SVIL: variants seen among roughly 807,000 people sequenced by gnomAD.
SVIL encodes the protein supervillin.
Under a neutral mutation model 240.4 loss-of-function variants are expected in SVIL, and 101 were observed. That is an observed-to-expected ratio of 0.42 (90% CI 0.36 to 0.50). The LOEUF (loss-of-function observed/expected upper bound fraction) is 0.50. Among genes scored for constraint, SVIL ranks in the 20% least tolerant of loss-of-function variants. The probability of loss-of-function intolerance (pLI) is 0.01; values close to 1 mark genes in which losing one functional copy is unlikely to be tolerated. For missense variants in SVIL, 2,512 were observed against 2,818.7 expected (o/e 0.89, Z 2.46); for synonymous variants, 999 against 1,100.0 (o/e 0.91, Z 1.82).
rs560896117 is a variant in SVIL, at chr10:29,461,234, T to TA, written c.6402+1042dup. ...CTGGCAATTTGGTAACTCCTGAACTTAGACTGCATGCAGCAGCCATAGAGC... is the reference window on the plus strand; with the variant it reads ...CTGGCAATTTGGTAACTCCTGAACTTAAGACTGCATGCAGCAGCCATAGAGC... On this transcript the variant is annotated intron_variant, in intron 36 of 37. Coordinates refer to ENST00000355867, the MANE Select transcript of SVIL (RefSeq NM_021738.3). 2.3e-3 allele frequency among the ~76,000 whole-genome samples: 350 copies of TA among 152,304 alleles called. 1 individual carries two copies. The highest frequency in any genetic ancestry group is 6.8e-3 in the Middle Eastern group (2 of 294).
intron 21 of SVIL, among the ~76,000 whole-genome samples, 176 bp from the exon 22 acceptor site, chr10:29,491,195 C>A (rs891403424): frequency 3.3e-5 from 5 of 152,138 alleles, no homozygotes; most frequent in Non-Finnish European, 7.4e-5. Flanking sequence ...AAGAGGGATG[C>A]AAGCCCACTG....
chr10:29,589,536 C>T (rs376957896), intron 1 of SVIL, among the ~76,000 whole-genome samples: 14 of 152,176 alleles, frequency 9.2e-5, no homozygotes, highest in Non-Finnish European at 1.8e-4. Context: ...TTAGATGGCA[C>T]TGAAGCACCA....
At chr10:29,521,308 G>C (rs1950549741) in intron 16 of SVIL, among the ~76,000 whole-genome samples, 1 of 151,964 alleles carries the variant, frequency 6.6e-6, no homozygotes, top group African/African-American at 2.4e-5. Context: ...TAGGCAGTTT[G>C]AAATGTATCT....
At position 29,481,744 on chromosome 10, in the gene SVIL, G is replaced by T; in HGVS notation, c.4956-16C>A. On this transcript the variant is annotated splice_polypyrimidine_tract_variant and intron_variant, in intron 27 of 37. Coordinates refer to ENST00000355867, the MANE Select transcript of SVIL (RefSeq NM_021738.3). ...CTGTCCTTTTCTGTAGGGTGGGAGGGGGGTTGGGAGAACAGACAGGAAAAG... is the reference window on the plus strand; with the variant it reads ...CTGTCCTTTTCTGTAGGGTGGGAGGTGGGTTGGGAGAACAGACAGGAAAAG... The T allele has an allele frequency of 6.2e-7, 1 of 1,610,300 alleles. No individual in the cohort carries two copies. The highest frequency in any genetic ancestry group is 8.5e-7 in the Non-Finnish European group (1 of 1,178,736).
Position 29,691,655 on chromosome 10 carries a change from A to G in SVIL, c.-399-5004T>C, listed in dbSNP as rs550448970. Among the ~76,000 whole-genome samples, 45 of 152,354 alleles carry G rather than the reference A, an allele frequency of 3.0e-4. 1 individual carries two copies. Among genetic ancestry groups the G allele is most frequent in the African/African-American group, 9.6e-4 (40 of 41,590 alleles). On this transcript the variant is annotated intron_variant, in intron 1 of 35. Coordinates refer to the SVIL transcript ENST00000375400. The stretch of plus-strand genomic sequence containing the variant: ...AGATTTTTGACTCAGTCTTTCTGCC[A>G]AATTTGCTTATCTCTCAAATGAGTG...
chr10:29,613,234 T>G (rs1045584641), intron 1 of SVIL, among the ~76,000 whole-genome samples: 3 of 150,382 alleles, frequency 2.0e-5, no homozygotes, highest in African/African-American at 7.4e-5. Flanking sequence ...GATGCTCTGG[T>G]GCAGTGGAGA....
chr10:29,620,312 G>C (rs1763504102), intron 1 of SVIL, among the ~76,000 whole-genome samples: 1 of 150,010 alleles, frequency 6.7e-6, no homozygotes, highest in Non-Finnish European at 1.5e-5. Flanking sequence ...GGAAAAGGAA[G>C]GAAAAGAAAA....
intron 1 of SVIL, among the ~76,000 whole-genome samples, chr10:29,597,620 G>A (rs1375837108): frequency 6.6e-6 from 1 of 151,794 alleles, no homozygotes; most frequent in Non-Finnish European, 1.5e-5. Context: ...GGCTGGTCTC[G>A]AACTCCTGAC....
intron 1 of SVIL, among the ~76,000 whole-genome samples, chr10:29,577,882 C>T (rs1021694083): frequency 2.6e-5 from 4 of 152,042 alleles, no homozygotes; most frequent in African/African-American, 9.7e-5. Context: ...GATCTGTATA[C>T]TGAAAACTAT....
At chr10:29,578,596 T>G (rs545432642) in intron 1 of SVIL, among the ~76,000 whole-genome samples, 1 of 152,312 alleles carries the variant, frequency 6.6e-6, no homozygotes, top group African/African-American at 2.4e-5. Context: ...TAAATCCCCT[T>G]CCTAAATGTT....
At chr10:29,461,976 A>G (rs997203887) in intron 36 of SVIL, among the ~76,000 whole-genome samples, 5 of 152,238 alleles carry the variant, frequency 3.3e-5, no homozygotes, top group Non-Finnish European at 7.3e-5. Flanking sequence ...TTCTTAGCAA[A>G]CAGAATGAAG....
At chr10:29,535,487 T>C (rs1463284204) in intron 7 of SVIL, among the ~76,000 whole-genome samples, 2 of 152,136 alleles carry the variant, frequency 1.3e-5, no homozygotes, top group African/African-American at 4.8e-5. Flanking sequence ...AAAAATGAAA[T>C]GATAGGGGGT....
chr10:29,591,642 G>GCA (rs1956394458), intron 1 of SVIL, among the ~76,000 whole-genome samples: 1 of 152,146 alleles, frequency 6.6e-6, no homozygotes, highest in African/African-American at 2.4e-5. Flanking sequence ...CCTGCACCCT[G>GCA]CACCTTTTTA....
chr10:29,669,439 T>C (rs942304993), intron 2 of SVIL, among the ~76,000 whole-genome samples: 11 of 152,162 alleles, frequency 7.2e-5, no homozygotes, highest in South Asian at 2.1e-4. Flanking sequence ...GGGCCAGGAC[T>C]TTGGAGTTTA....
intron 2 of SVIL, among the ~76,000 whole-genome samples, chr10:29,685,908 A>C (rs568775584): frequency 2.7e-4 from 41 of 152,304 alleles, no homozygotes; most frequent in African/African-American, 7.9e-4. Flanking sequence ...TACAATAGAA[A>C]TATCTCCATC....
At position 29,523,900 on chromosome 10, in the gene SVIL, C is replaced by G; in HGVS notation, c.2714G>C (p.Ser905Thr). The change falls in exon 15 of 38, where the codon AGT becomes ACT. Residue 905 changes from serine (S) to threonine (T), a missense_variant. Physicochemically the swap from Ser to Thr is moderately conservative, Grantham distance 58 (BLOSUM62 1). Coordinates refer to ENST00000355867, the MANE Select transcript of SVIL (RefSeq NM_021738.3). ...RTKPPLDHNASATDYKFSSSI... is the reference protein window; with the variant it reads ...RTKPPLDHNATATDYKFSSSI... ...AGAAGAAAACTTATAGTCAGTGGCA[C>G]TTGCATTGTGGTCAAGAGGTGGCTT... 6.2e-7 allele frequency: 1 copy of G among 1,614,162 alleles called. No individual in the cohort carries two copies. The highest frequency in any genetic ancestry group is 8.5e-7 in the Non-Finnish European group (1 of 1,180,036).
chr10:29,499,338 A>G (rs991763102), intron 17 of SVIL, 75 bp from the exon 18 acceptor site: 7 of 1,581,918 alleles, frequency 4.4e-6, no homozygotes, highest in Non-Finnish European at 6.0e-6. Context: ...GCAGCATTTC[A>G]TGAGTGAAAA....
chr10:29,497,362 A>G (rs1564519765), intron 18 of SVIL, among the ~76,000 whole-genome samples: 1 of 152,236 alleles, frequency 6.6e-6, no homozygotes, highest in South Asian at 2.1e-4. Context: ...GCTTTTAAAT[A>G]ATAGCTTAGA....
intron 17 of SVIL, among the ~76,000 whole-genome samples, chr10:29,510,434 T>C (rs1435042121): frequency 6.6e-6 from 1 of 151,402 alleles, no homozygotes; most frequent in Non-Finnish European, 1.5e-5. Context: ...ACAGGAGCAA[T>C]GGAAGGAACT....
Sources: gnomAD v4.1 joint callset for allele counts (sites outside exome capture counted in the v4.1 genomes callset) on GRCh38, gnomAD v4.1.1 for gene constraint, MANE v1.5 for transcripts, NCBI Gene and HGNC (gene_info 2026-07-23, HGNC 2026-07-21) for gene names.